MDN1: variants seen among roughly 807,000 people sequenced by gnomAD.
MDN1 encodes the protein midasin.
A neutral mutation model predicts 669.2 loss-of-function variants in MDN1; 266 were observed. The ratio of observed to expected loss-of-function variants is 0.40; its 90% confidence interval spans 0.36 to 0.44. The LOEUF (loss-of-function observed/expected upper bound fraction) is 0.44. MDN1 is among the 20% of genes least tolerant of loss of function. The pLI is 1.00. For missense variants in MDN1, 5,940 were observed against 6,754.0 expected, an observed-to-expected ratio of 0.88 and a Z score of 4.22; for synonymous variants, 2,385 against 2,457.1, an observed-to-expected ratio of 0.97 and a Z score of 0.87.
chr6:89,762,583 T>A, intron 15 of MDN1, 53 bp from the exon 16 acceptor site: 4 of 1,362,966 alleles, frequency 2.9e-6, no homozygotes, highest in Non-Finnish European at 4.1e-6. Flanking sequence ...TTAACAGAAG[T>A]TAGAAAGCAT....
intron 1 of MDN1, chr6:89,815,234 C>G: frequency 2.4e-6 from 1 of 414,160 alleles, no homozygotes; most frequent in Non-Finnish European, 4.7e-6. Context: ...GCCCCTACTC[C>G]TTGACAGAGC....
rs112174247 is a variant in MDN1 at position 89,712,383 on chromosome 6, A to G, written c.7431-127T>C. On this transcript the variant is annotated intron_variant, in intron 48 of 101. Transcript: ENST00000369393. ...AAGAGAGAAAAGGAGAGTCTCCCAC[A>G]GAGGAAGAAAGTTAAAACATACCTA... is the stretch of plus-strand genomic sequence containing the variant. 7.5e-5 allele frequency: 77 copies of G among 1,029,178 alleles called. No individual in the cohort carries two copies. In the African/African-American group the frequency reaches 8.6e-4, roughly 11 times the overall value. 63.8% of individuals were successfully genotyped at this position (1,029,178 alleles called of 1,614,324 possible). A position where few individuals can be genotyped will look rare whatever the true frequency, so the allele number is the denominator to read the frequency against.
chr6:89,669,388 T>TTTATTA (rs1352579278), intron 83 of MDN1, among the ~76,000 whole-genome samples: 1 of 152,054 alleles, frequency 6.6e-6, no homozygotes, highest in African/African-American at 2.4e-5. Context: ...ATTATTACTT[T>TTTATTA]TTATTATTAT....
intron 11 of MDN1, among the ~76,000 whole-genome samples, chr6:89,778,717 T>C (rs1818475195): frequency 6.6e-6 from 1 of 151,446 alleles, no homozygotes; most frequent in Admixed American, 6.6e-5. Flanking sequence ...ACCCCATCTC[T>C]ACTAAAAATG....
Position 89,688,788 on chromosome 6 carries a change from G to A in MDN1, c.11044C>T (p.Leu3682Phe). The A allele has an allele frequency of 1.2e-6, 2 of 1,614,142 alleles. No individual in the cohort carries two copies. Among genetic ancestry groups the A allele is most frequent in the Non-Finnish European group, 1.7e-6 (2 of 1,180,014 alleles). ...PLMGVELNDRLLGSQLLACTL... is the reference protein window; with the variant it reads ...PLMGVELNDRFLGSQLLACTL... ...CAGGCCAAAAGTTGGCTGCCCAAGA[G>A]TCGGTCATTCAGTTCAACTCCTGTG... The change falls in exon 66 of 102, where the codon CTC becomes TTC. Residue 3682 changes from leucine to phenylalanine, a missense_variant. Leu to Phe is a conservative substitution (Grantham distance 22). Coordinates refer to ENST00000369393, the MANE Select transcript of MDN1 (RefSeq NM_014611.3).
Position 89,712,105 on chromosome 6 carries a change from T to C in MDN1, c.7582A>G (p.Thr2528Ala). ...MAVKLLIERA[T>A]NQDWMLRVKW... ...ACTCTGAGCATCCAATCCTGATTGG[T>C]TGCTCTTTCTATGAGCAATTTAACA... The change falls in exon 49 of 102, where the codon ACC becomes GCC. Residue 2528 changes from threonine (T) to alanine (A), a missense_variant. This residue lies in a region of MDN1 where 2,292 missense variants were observed against 2,638.3 expected (regional missense o/e 0.87). Transcript: ENST00000369393. 4 of 1,614,134 alleles carry C rather than the reference T, an allele frequency of 2.5e-6. No homozygotes were observed. Among genetic ancestry groups the C allele is most frequent in the Non-Finnish European group, 2.5e-6 (3 of 1,179,982 alleles).
rs1186114875 is a variant in MDN1, at chr6:89,663,380, G to A, written c.14237-413C>T. ...AACACCTAAAATCAGGTCTCAATCA[G>A]AATTGTCTTCATTTGTCTTTGCACA... is the stretch of plus-strand genomic sequence containing the variant. On this transcript the variant is annotated intron_variant, in intron 85 of 101. Transcript: ENST00000369393. 2.6e-5 allele frequency among the ~76,000 whole-genome samples: 4 copies of A among 152,118 alleles called. No individual in the cohort carries two copies. In the East Asian group the frequency reaches 7.7e-4, roughly 29 times the overall value.
chr6:89,665,163 C>T (rs1810098319), intron 84 of MDN1, among the ~76,000 whole-genome samples: 1 of 151,980 alleles, frequency 6.6e-6, no homozygotes, highest in South Asian at 2.1e-4. Context: ...CAGTAGCTGG[C>T]ACCACAAGCA....
At chr6:89,680,474 A>G (rs1346972458) in intron 74 of MDN1, 115 bp downstream of exon 74, 3 of 1,251,678 alleles carry the variant, frequency 2.4e-6, no homozygotes, top group Non-Finnish European at 2.1e-6. Context: ...TATTCAATCA[A>G]CTGTTCAACA....
Position 89,674,516 on chromosome 6 carries a change from G to C in MDN1, c.12835C>G (p.Pro4279Ala), listed in dbSNP as rs530285469. 1.8e-4 allele frequency: 297 copies of C among 1,609,400 alleles called. No individual in the cohort carries two copies. In the South Asian group the frequency reaches 2.9e-3, roughly 15 times the overall value. Residue 4279 changes from proline to alanine, a missense_variant, in exon 79 of 102, where the codon CCT becomes GCT. This residue lies in a region of MDN1 where 2,280 missense variants were observed against 2,576.3 expected (regional missense o/e 0.88). Transcript: ENST00000369393. ...GPQAYPVAFP[P>A]QDGVQQWTER... is the part of the protein sequence containing the mutation. ...GTCCACTGCTGCACGCCATCCTGAG[G>C]GGGGAAGGCCACGGGGTAGGCCTGG...
At position 89,694,079 on chromosome 6, in the gene MDN1, G is replaced by T; in HGVS notation, c.9876C>A (p.His3292Gln). ...TAATCACTCTGCTGTGTTACCTGACGTGAGGATGAGAGTAGCTGACAACGA... is the reference window on the plus strand; with the variant it reads ...TAATCACTCTGCTGTGTTACCTGACTTGAGGATGAGAGTAGCTGACAACGA... ...DEVVVSYSHP[H>Q]VRLLRQRMDR... Residue 3292 changes from histidine (H) to glutamine (Q), a missense_variant, in exon 62 of 102, where the codon CAC becomes CAA. Around this residue, in one of 5 missense-constraint regions of MDN1, gnomAD observed 150 missense variants for 234.2 expected, o/e 0.64. Coordinates refer to ENST00000369393, the MANE Select transcript of MDN1 (RefSeq NM_014611.3). 2.5e-6 allele frequency: 4 copies of T among 1,612,996 alleles called. No homozygotes were observed. The highest frequency in any genetic ancestry group is 3.4e-6 in the Non-Finnish European group (4 of 1,178,932).
At position 89,675,592 on chromosome 6, in the gene MDN1, G is replaced by A; in HGVS notation, c.12646-13C>T. The A allele has an allele frequency of 6.2e-7, 1 of 1,608,660 alleles. No individual in the cohort carries two copies. Among genetic ancestry groups the A allele is most frequent in the Non-Finnish European group, 8.5e-7 (1 of 1,175,964 alleles). ...CCATGCCCATTTCCTGGCAGAAGAA[G>A]GAAAAACATGCTGAAGGGGCTGCTG... On this transcript the variant is annotated splice_polypyrimidine_tract_variant and intron_variant, in intron 77 of 101. Transcript: ENST00000369393.
chr6:89,778,802 T>C (rs1818479194), intron 11 of MDN1, among the ~76,000 whole-genome samples: 1 of 151,042 alleles, frequency 6.6e-6, no homozygotes, highest in Non-Finnish European at 1.5e-5. Context: ...AGGAGAATGG[T>C]GGGAACCTGG....
intron 2 of MDN1, among the ~76,000 whole-genome samples, chr6:89,799,034 G>A (rs2128328281): frequency 6.6e-6 from 1 of 152,292 alleles, no homozygotes; most frequent in South Asian, 2.1e-4. Context: ...AGGAAGAAAA[G>A]TCTAAAAACA....
chr6:89,743,756 A>G, intron 29 of MDN1, 42 bp from the exon 30 acceptor site: 1 of 1,561,280 alleles, frequency 6.4e-7, no homozygotes, highest in East Asian at 2.3e-5. Context: ...ATGTGTTTCA[A>G]ATACACATCC....
chr6:89,749,777 T>C, intron 24 of MDN1, 26 bp from the exon 25 acceptor site: 1 of 1,521,170 alleles, frequency 6.6e-7, no homozygotes, highest in Middle Eastern at 1.7e-4. Flanking sequence ...CAGCAAGAAC[T>C]AGTGTATAAA....
At chr6:89,734,016 G>T (rs1338715314) in intron 33 of MDN1, among the ~76,000 whole-genome samples, 3 of 152,116 alleles carry the variant, frequency 2.0e-5, no homozygotes, top group Non-Finnish European at 4.4e-5. Context: ...CAGGCACGGT[G>T]GCTCATGCCT....
intron 68 of MDN1, 77 bp from the exon 69 acceptor site, chr6:89,687,100 A>G (rs1812066897): frequency 6.4e-7 from 1 of 1,573,088 alleles, no homozygotes; most frequent in Admixed American, 1.8e-5. Context: ...CAGAAGCTAC[A>G]TGCTCACATT....
rs1230137995 is a variant in MDN1, at chr6:89,719,034, A to G, written c.6058-4T>C. The G allele has an allele frequency of 6.2e-7, 1 of 1,614,076 alleles. No homozygotes were observed. On this transcript the variant is annotated splice_polypyrimidine_tract_variant and splice_region_variant and intron_variant, in intron 41 of 101. Coordinates refer to ENST00000369393, the MANE Select transcript of MDN1 (RefSeq NM_014611.3). The stretch of plus-strand genomic sequence containing the variant: ...GGGAAAGGACTGAGTAGCCCAACTG[A>G]AAAGACATGCCAGTGAGATTTCCAT...
Sources: gnomAD v4.1 joint callset for allele counts (sites outside exome capture counted in the v4.1 genomes callset) on GRCh38, gnomAD v4.1.1 for gene constraint, gnomAD v4.1.1 regional missense constraint, MANE v1.5 for transcripts, NCBI Gene and HGNC (gene_info 2026-07-23, HGNC 2026-07-21) for gene names.